The following SLC6A15 variants were observed in gnomAD, a reference collection of about 807,000 sequenced individuals.
The protein encoded by SLC6A15 is sodium-dependent neutral amino acid transporter B(0)AT2.
In SLC6A15, 33 loss-of-function variants were observed where a neutral mutation model predicts 68.5. That is an observed-to-expected ratio of 0.48 (90% confidence interval 0.37 to 0.64). The LOEUF (loss-of-function observed/expected upper bound fraction) is 0.64. Among genes scored for constraint, SLC6A15 ranks in the 30% least tolerant of loss-of-function variants. The pLI, the probability that SLC6A15 is intolerant of heterozygous loss-of-function variation, is 0.00. For synonymous variants in SLC6A15, 347 were observed against 301.0 expected (o/e 1.15, Z -1.58); for missense variants, 747 against 874.3 (o/e 0.85, Z 1.84).
At chr12:84,874,472 G>A (rs1871426311) in intron 6 of SLC6A15, 1 of 152,140 alleles carries the variant, frequency 6.6e-6, no homozygotes, top group South Asian at 2.1e-4. Flanking sequence ...TCTTAGGAAG[G>A]TTATGTAACT....
intron 1 of SLC6A15, 29 bp from the exon 2 acceptor site, chr12:84,892,337 A>G (rs1872446387): frequency 2.4e-6 from 1 of 409,962 alleles, no homozygotes; most frequent in South Asian, 7.1e-5. Flanking sequence ...AAATGTGATC[A>G]TATTTAATGA....
At chr12:84,895,010 C>A (rs557952280) in intron 1 of SLC6A15, among the ~76,000 whole-genome samples, 24 of 152,118 alleles carry the variant, frequency 1.6e-4, no homozygotes, top group East Asian at 1.3e-3. Flanking sequence ...GAGCAAAAAA[C>A]TATAATGAAT....
intron 1 of SLC6A15, among the ~76,000 whole-genome samples, chr12:84,899,229 A>G (rs989998412): frequency 6.6e-6 from 1 of 152,194 alleles, no homozygotes; most frequent in African/African-American, 2.4e-5. Context: ...GAAAGTCTCA[A>G]ACCTAAGTCC....
chr12:84,902,000 T>C (rs1872904898), intron 1 of SLC6A15, among the ~76,000 whole-genome samples: 1 of 151,862 alleles, frequency 6.6e-6, no homozygotes, highest in South Asian at 2.1e-4. Flanking sequence ...TGTCACCGTA[T>C]GCCAATTAGT....
intron 5 of SLC6A15, chr12:84,882,458 G>C (rs892192455): frequency 4.2e-6 from 4 of 954,866 alleles, no homozygotes; most frequent in Non-Finnish European, 5.0e-6. Context: ...CCTTCAGGAA[G>C]ATAAATGTAA....
intron 1 of SLC6A15, among the ~76,000 whole-genome samples, chr12:84,901,078 G>A (rs1319187209): frequency 2.0e-5 from 3 of 148,020 alleles, no homozygotes; most frequent in African/African-American, 4.9e-5. Context: ...GTGTGTGTGT[G>A]TATATATATA....
Position 84,891,321 on chromosome 12 carries a change from T to C in SLC6A15, c.289+511A>G, listed in dbSNP as rs539188856. Among the ~76,000 whole-genome samples the C allele has an allele frequency of 2.6e-5, 4 of 152,328 alleles. No individual in the cohort carries two copies. The East Asian group carries it at 7.7e-4, about 29-fold the overall frequency. Reference sequence around the variant, plus strand: ...TCTAGCATTGTATTATCTGTTTACATTCCTTCTGCTGGGATCTAAATGTTC... The same window carrying C: ...TCTAGCATTGTATTATCTGTTTACACTCCTTCTGCTGGGATCTAAATGTTC... On this transcript the variant is annotated intron_variant, in intron 2 of 11. Coordinates refer to ENST00000266682, the MANE Select transcript of SLC6A15 (RefSeq NM_182767.6).
rs541480196 is a variant in SLC6A15, at chr12:84,905,719, G to T, written c.-189+6804C>A. ...TTCACATCTGCATTTGGTTGAATCT[G>T]TGGATGCACAACCTAAGGACACAGA... is the stretch of plus-strand genomic sequence containing the variant. On this transcript the variant is annotated intron_variant, in intron 1 of 11. Coordinates refer to ENST00000266682, the MANE Select transcript of SLC6A15 (RefSeq NM_182767.6). 4.6e-5 allele frequency among the ~76,000 whole-genome samples: 7 copies of T among 152,314 alleles called. No individual in the cohort carries two copies. In the South Asian group the frequency reaches 1.5e-3, roughly 32 times the overall value.
In SLC6A15 at chr12:84,870,515, A is replaced by C. The variant is rs1425164588; in HGVS notation, c.1458T>G (p.Ile486Met). ...FGTIEGIVTP[I>M]VDTFKVRKEI... ...CTTTCCTCACTTTGAAAGTGTCCAC[A>C]ATAGGCGTGACAATCCCTTCAATGG... The change falls in exon 9 of 12, where the codon ATT (isoleucine) becomes ATG (methionine). Residue 486 changes from isoleucine (I) to methionine (M), a missense_variant. Physicochemically the swap from Ile to Met is conservative, Grantham distance 10. Coordinates refer to ENST00000266682, the MANE Select transcript of SLC6A15 (RefSeq NM_182767.6). 6.3e-7 allele frequency: 1 copy of C among 1,576,848 alleles called. No individual in the cohort carries two copies. Among genetic ancestry groups the C allele is most frequent in the African/African-American group, 1.4e-5 (1 of 73,446 alleles).
chr12:84,894,559 A>G (rs547150760), intron 1 of SLC6A15, among the ~76,000 whole-genome samples: 2 of 152,276 alleles, frequency 1.3e-5, no homozygotes, highest in African/African-American at 4.8e-5. Flanking sequence ...CAAAGAAAAA[A>G]AATTTTAAAT....
chr12:84,883,092 A>AT, intron 5 of SLC6A15: 2 of 984,974 alleles, frequency 2.0e-6, no homozygotes, highest in Non-Finnish European at 2.4e-6. Flanking sequence ...CCAACAGTAA[A>AT]TTCTTGCTAT....
intron 1 of SLC6A15, among the ~76,000 whole-genome samples, chr12:84,907,640 C>T (rs893130702): frequency 1.1e-4 from 17 of 152,062 alleles, no homozygotes; most frequent in Non-Finnish European, 1.0e-4. Flanking sequence ...TGGAAAAGTT[C>T]GACTGTTCAT....
chr12:84,873,279 A>G lies in SLC6A15; in HGVS notation c.917T>C (p.Val306Ala), dbSNP rs765700795. 1.1e-5 allele frequency: 18 copies of G among 1,614,092 alleles called. No homozygotes were observed. Among genetic ancestry groups the G allele is most frequent in the Admixed American group, 1.7e-5 (1 of 60,012 alleles). The change falls in exon 7 of 12, where the codon GTG becomes GCG. Residue 306 changes from valine (V) to alanine (A), a missense_variant. Physicochemically the swap from Val to Ala is moderately conservative, Grantham distance 64. Transcript: ENST00000266682. ...AAATCCCAGACCTAAGGCAAAGAAC[A>G]CTTGAGTAGCAGCTTCTCTCCAGAC... ...PKVWREAATQ[V>A]FFALGLGFGG...
intron 10 of SLC6A15, 119 bp from the exon 11 acceptor site, chr12:84,863,720 C>G (rs1388637857): frequency 1.5e-6 from 1 of 655,826 alleles, no homozygotes; most frequent in Non-Finnish European, 2.3e-6. Flanking sequence ...ACATTTTATA[C>G]TGTATCAAAG....
rs1016176458 is a variant in SLC6A15, at chr12:84,894,016, C to T, written c.-188-1708G>A. ...CTACACTTGATCTTAGCAAAAAGGC[C>T]GAGAAGCGATCACAGTGACTATTTC... On this transcript the variant is annotated intron_variant, in intron 1 of 11. Coordinates refer to ENST00000266682, the MANE Select transcript of SLC6A15 (RefSeq NM_182767.6). Among the ~76,000 whole-genome samples the T allele has an allele frequency of 3.9e-5, 6 of 151,908 alleles. No homozygotes were observed. The East Asian group carries it at 9.7e-4, about 24-fold the overall frequency.
At chr12:84,865,780 C>A (rs1008799320) in intron 10 of SLC6A15, among the ~76,000 whole-genome samples, 5 of 152,104 alleles carry the variant, frequency 3.3e-5, no homozygotes, top group African/African-American at 4.8e-5. Flanking sequence ...TGTGTCTTTT[C>A]ATGGATTGAA....
Position 84,912,798 on chromosome 12 carries a change from A to C in SLC6A15, c.-464T>G. The stretch of plus-strand genomic sequence containing the variant: ...GGTGCGGGTGCGCGTGTACATGCGT[A>C]TGTGTGTGTGCGCGCGCGCGTGTGT... On this transcript the variant is annotated 5_prime_UTR_variant, in exon 1 of 12. Coordinates refer to ENST00000266682, the MANE Select transcript of SLC6A15 (RefSeq NM_182767.6). 1 of 152,974 alleles carries C rather than the reference A, an allele frequency of 6.5e-6. No homozygotes were observed. Among genetic ancestry groups the C allele is most frequent in the East Asian group, 1.9e-4 (1 of 5,146 alleles). The allele number at this position is 152,974 out of a possible 1,614,324, so 9.5% of individuals were successfully genotyped here.
At chr12:84,881,736 T>A in intron 5 of SLC6A15, 2 of 892,084 alleles carry the variant, frequency 2.2e-6, no homozygotes, top group Non-Finnish European at 2.7e-6. Context: ...TCTTCTGTAC[T>A]TGTGACACTG....
chr12:84,869,569 A>ACCAGTATTGTTT lies in SLC6A15; in HGVS notation c.1495+897_1495+908dup, dbSNP rs1417083493. 4.0e-5 allele frequency among the ~76,000 whole-genome samples: 6 copies of ACCAGTATTGTTT among 151,322 alleles called. No individual in the cohort carries two copies. The East Asian group carries it at 1.2e-3, about 29-fold the overall frequency. On this transcript the variant is annotated intron_variant, in intron 9 of 11. Transcript: ENST00000266682. Reference sequence around the variant, plus strand: ...TATCCAATCTTATTTTACATCACTTACCAGTATTGTTTCTGTACTCTAGTA... The same window carrying ACCAGTATTGTTT: ...TATCCAATCTTATTTTACATCACTTACCAGTATTGTTTCCAGTATTGTTTCTGTACTCTAGTA...
Sources: gnomAD v4.1 joint callset for allele counts (sites outside exome capture counted in the v4.1 genomes callset) on GRCh38, gnomAD v4.1.1 for gene constraint, MANE v1.5 for transcripts, NCBI Gene and HGNC (gene_info 2026-07-23, HGNC 2026-07-21) for gene names.